Variants in RNF145 observed in about 807,000 individuals in gnomAD.
RNF145 encodes the protein ring finger protein 145.
Under a neutral mutation model 57.3 loss-of-function variants are expected in RNF145, and 12 were observed. That is an observed-to-expected ratio of 0.21 (90% confidence interval 0.13 to 0.34). The LOEUF is 0.34. RNF145 is among the 10% of genes least tolerant of loss of function. The pLI, the probability that RNF145 is intolerant of heterozygous loss-of-function variation, is 1.00. For missense variants in RNF145, 429 were observed against 799.0 expected, an observed-to-expected ratio of 0.54 and a Z score of 5.58; for synonymous variants, 262 against 288.3, an observed-to-expected ratio of 0.91 and a Z score of 0.92.
At chr5:159,189,963 G>A (rs908019347) in intron 3 of RNF145, among the ~76,000 whole-genome samples, 5 of 152,086 alleles carry the variant, frequency 3.3e-5, no homozygotes, top group Non-Finnish European at 5.9e-5. Flanking sequence ...TTCTTTCTGG[G>A]GTGATGAAAA....
intron 3 of RNF145, among the ~76,000 whole-genome samples, chr5:159,185,317 T>C (rs1584690334): frequency 6.6e-6 from 1 of 152,152 alleles, no homozygotes; most frequent in Non-Finnish European, 1.5e-5. Flanking sequence ...CTACCTAGTA[T>C]GCCACACAAC....
rs139706492 is a variant in RNF145 at position 159,183,907 on chromosome 5, G to A, written c.294-1856C>T. 8.5e-3 allele frequency among the ~76,000 whole-genome samples: 1,294 copies of A among 152,280 alleles called. 11 individuals are homozygous for A. Among genetic ancestry groups the A allele is most frequent in the Middle Eastern group, 0.034 (10 of 292 alleles). ...AAAAATGTTTTAGAATTAGATAAAG[G>A]TGACAGCTGCACAACATTATGAATG... On this transcript the variant is annotated intron_variant, in intron 3 of 10. Transcript: ENST00000424310.
intron 3 of RNF145, among the ~76,000 whole-genome samples, chr5:159,193,692 G>A (rs1470495201): frequency 2.6e-5 from 4 of 152,068 alleles, no homozygotes; most frequent in African/African-American, 9.7e-5. Context: ...TGTCCATAGT[G>A]AGCACCATAA....
intron 6 of RNF145, among the ~76,000 whole-genome samples, chr5:159,170,618 C>T (rs1278274241): frequency 1.3e-5 from 2 of 152,108 alleles, no homozygotes; most frequent in African/African-American, 2.4e-5. Flanking sequence ...TTATTTGAGA[C>T]AGGGTCTTGC....
Position 159,181,996 on chromosome 5 carries a change from G to A in RNF145, c.349C>T (p.Pro117Ser). The stretch of plus-strand genomic sequence containing the variant: ...GTGGTAAACCGATTCATAGAGAGAG[G>A]TTCTAAATACATTGGTCCCTCATAG... ...FAYEGPMYLE[P>S]LSMNRFTTAL... Residue 117 changes from proline (P) to serine (S), a missense_variant, in exon 4 of 11, where the codon CCT becomes TCT. Pro to Ser is a moderately conservative substitution (Grantham distance 74). Around this residue, in one of 4 missense-constraint regions of RNF145, gnomAD observed 109 missense variants for 207.2 expected, o/e 0.53. Coordinates refer to ENST00000424310, the MANE Select transcript of RNF145 (RefSeq NM_001199383.2). The A allele has an allele frequency of 6.2e-7, 1 of 1,609,196 alleles. No individual in the cohort carries two copies. The highest frequency in any genetic ancestry group is 8.5e-7 in the Non-Finnish European group (1 of 1,176,120).
chr5:159,209,154 G>GGGGGAGGGGAGGGAGGCCGT, intron 1 of RNF145, 77 bp downstream of exon 1: 1 of 503,592 alleles, frequency 2.0e-6, no homozygotes, highest in Non-Finnish European at 2.6e-6. Context: ...GCGACGCGAT[G>GGGGGAGGGGAGGGAGGCCGT]GGGGAGGGGA....
At chr5:159,204,182 C>T (rs1318542233) in intron 1 of RNF145, among the ~76,000 whole-genome samples, 1 of 152,184 alleles carries the variant, frequency 6.6e-6, no homozygotes, top group East Asian at 1.9e-4. Flanking sequence ...ATCCAGAGAA[C>T]TCATGATGTA....
chr5:159,209,589 C>A, upstream of RNF145: 1 of 1,033,780 alleles, frequency 9.7e-7, no homozygotes, highest in Non-Finnish European at 1.2e-6. Context: ...TCTGCGCCTG[C>A]GCGCGGCCCA....
intron 3 of RNF145, among the ~76,000 whole-genome samples, chr5:159,187,728 G>T (rs1257630704): frequency 6.6e-6 from 1 of 152,186 alleles, no homozygotes; most frequent in South Asian, 2.1e-4. Flanking sequence ...TGGGAAGAGG[G>T]TATCACTGGG....
At chr5:159,182,181 T>G (rs1784916724) in intron 3 of RNF145, 130 bp from the exon 4 acceptor site, 1 of 495,898 alleles carries the variant, frequency 2.0e-6, no homozygotes, top group East Asian at 3.1e-5. Flanking sequence ...ATATGAAGAA[T>G]TATATATAAA....
At chr5:159,203,742 C>T (rs1036813407) in intron 1 of RNF145, 86 bp from the exon 2 acceptor site, 30 of 796,974 alleles carry the variant, frequency 3.8e-5, no homozygotes, top group Non-Finnish European at 5.3e-5. Flanking sequence ...AATAGGTTGT[C>T]ACACACTGTA....
chr5:159,161,918 C>CT (rs1245885052), intron 9 of RNF145, among the ~76,000 whole-genome samples: 1 of 152,136 alleles, frequency 6.6e-6, no homozygotes, highest in Non-Finnish European at 1.5e-5. Context: ...TTTGATTCAT[C>CT]TTTTTCCCTT....
intron 2 of RNF145, among the ~76,000 whole-genome samples, chr5:159,199,199 C>G (rs62378714): frequency 0.054 from 8,273 of 152,126 alleles, 246 homozygotes; most frequent in Middle Eastern, 0.092. Context: ...ACATCAACTC[C>G]AGACTACAGT....
At chr5:159,171,539 G>A (rs1784559618) in intron 6 of RNF145, among the ~76,000 whole-genome samples, 1 of 151,972 alleles carries the variant, frequency 6.6e-6, no homozygotes, top group Non-Finnish European at 1.5e-5. Context: ...TAGCTTTGGG[G>A]AAGTGAAAGA....
chr5:159,178,128 C>T (rs1426606874), intron 4 of RNF145, among the ~76,000 whole-genome samples: 1 of 151,910 alleles, frequency 6.6e-6, no homozygotes, highest in Non-Finnish European at 1.5e-5. Context: ...TGGCTTATTA[C>T]ATGGCTACCC....
At position 159,158,510 on chromosome 5, in the gene RNF145, A is replaced by T. The variant is rs1784111633; in HGVS notation, c.*160T>A. The T allele has an allele frequency of 2.4e-6, 2 of 850,764 alleles. No individual in the cohort carries two copies. The highest frequency in any genetic ancestry group is 1.8e-6 in the Non-Finnish European group (1 of 555,196). 52.7% of individuals were successfully genotyped at this position (850,764 alleles called of 1,614,324 possible). A position where few individuals can be genotyped will look rare whatever the true frequency, so the allele number is the denominator to read the frequency against. ...TTCTCCCACAATGTCAGGGGATGAA[A>T]GCAGGTGGTCCCCACTGAGAGTACT... On this transcript the variant is annotated 3_prime_UTR_variant, in exon 11 of 11. Coordinates refer to ENST00000424310, the MANE Select transcript of RNF145 (RefSeq NM_001199383.2).
At chr5:159,204,221 A>G (rs986417762) in intron 1 of RNF145, among the ~76,000 whole-genome samples, 8 of 152,220 alleles carry the variant, frequency 5.3e-5, no homozygotes, top group Non-Finnish European at 1.0e-4. Flanking sequence ...ATTATTTACA[A>G]TATCATTTCC....
intron 3 of RNF145, among the ~76,000 whole-genome samples, chr5:159,183,293 TC>T (rs746342027): frequency 2.6e-5 from 4 of 152,180 alleles, no homozygotes; most frequent in Admixed American, 6.5e-5. Flanking sequence ...GCAATTTTGC[TC>T]CTGAGGGGAT....
Position 159,174,039 on chromosome 5 carries a change from G to A in RNF145, c.741C>T (p.Phe247=). ...GTGATGCAGGCTGATCTCGAGTACTGAAATAGGAGTAAATCTGAAGAGCAA... is the reference window on the plus strand; with the variant it reads ...GTGATGCAGGCTGATCTCGAGTACTAAAATAGGAGTAAATCTGAAGAGCAA... ...VLFALQIYSY[F]STRDQPASRE... Residue 247 remains phenylalanine, a synonymous_variant, in exon 6 of 11, where the codon TTC becomes TTT. Coordinates refer to ENST00000424310, the MANE Select transcript of RNF145 (RefSeq NM_001199383.2). 6.2e-7 allele frequency: 1 copy of A among 1,613,646 alleles called. No individual in the cohort carries two copies. Among genetic ancestry groups the A allele is most frequent in the Non-Finnish European group, 8.5e-7 (1 of 1,179,678 alleles).
Sources: gnomAD v4.1 joint callset for allele counts (sites outside exome capture counted in the v4.1 genomes callset) on GRCh38, gnomAD v4.1.1 for gene constraint, gnomAD v4.1.1 regional missense constraint, MANE v1.5 for transcripts, NCBI Gene and HGNC (gene_info 2026-07-23, HGNC 2026-07-21) for gene names.